TNP2: variants seen among roughly 807,000 people sequenced by gnomAD.
TNP2 encodes transition protein 2.
TNP2 carries 10 observed loss-of-function variants against 8.5 expected under a neutral mutation model. The observed-to-expected ratio is 1.17, with a 90% CI of 0.72 to 1.99. The LOEUF is 1.99. Among genes scored for constraint, TNP2 ranks in the 30% most tolerant of loss-of-function variants. TNP2 has a pLI of 0.00. For missense variants in TNP2, 222 were observed against 181.2 expected (o/e 1.23, Z -1.29); for synonymous variants, 80 against 62.3 (o/e 1.28, Z -1.34).
At position 11,269,020 on chromosome 16, in the gene TNP2, G is replaced by A. The variant is rs1219374058; in HGVS notation, c.243C>T (p.Arg81=). The change falls in exon 1 of 2, where the codon CGC becomes CGT. Residue 81 remains arginine (R), a synonymous_variant. Coordinates refer to ENST00000312693, the MANE Select transcript of TNP2 (RefSeq NM_005425.5). ...GGTGGGAGTTCATAGTCTTTTTGTGGCGCTTTGGTGGTGGACTAGTGTTGG... is the reference window on the plus strand; with the variant it reads ...GGTGGGAGTTCATAGTCTTTTTGTGACGCTTTGGTGGTGGACTAGTGTTGG... ...QSPNTSPPPK[R]HKKTMNSHHS... is the part of the protein sequence containing the mutation. The A allele has an allele frequency of 6.2e-7, 1 of 1,613,926 alleles. No homozygotes were observed. The highest frequency in any genetic ancestry group is 8.5e-7 in the Non-Finnish European group (1 of 1,179,880).
chr16:11,268,207 G>T, intron 1 of TNP2, 195 bp from the exon 2 acceptor site: 2 of 537,190 alleles, frequency 3.7e-6, no homozygotes, highest in East Asian at 3.1e-5. Flanking sequence ...CCTTCCATTT[G>T]TCATCCACCC....
At chr16:11,268,581 C>T (rs1421092239) in intron 1 of TNP2, 5 of 437,140 alleles carry the variant, frequency 1.1e-5, no homozygotes, top group Non-Finnish European at 2.0e-5. Context: ...TTTACCCACC[C>T]AGTCATCCAC....
chr16:11,268,967 T>A lies in TNP2; in HGVS notation c.296A>T (p.His99Leu). The A allele has an allele frequency of 6.2e-7, 1 of 1,613,996 alleles. No individual in the cohort carries two copies. Among genetic ancestry groups the A allele is most frequent in the Admixed American group, 1.7e-5 (1 of 60,022 alleles). Reference protein sequence around the residue: ...HHSPMRPTILHCRCPKNRKNL... With the variant: ...HHSPMRPTILLCRCPKNRKNL... ...CTTTCTGTTCTTGGGGCAGCGGCAGTGCAGGATGGTGGGCCGCATGGGAGA... is the reference window on the plus strand; with the variant it reads ...CTTTCTGTTCTTGGGGCAGCGGCAGAGCAGGATGGTGGGCCGCATGGGAGA... Residue 99 changes from histidine to leucine, a missense_variant, in exon 1 of 2, where the codon CAC becomes CTC. By Grantham distance (99) the His-to-Leu change is moderately conservative. Coordinates refer to ENST00000312693, the MANE Select transcript of TNP2 (RefSeq NM_005425.5).
Position 11,268,993 on chromosome 16 carries a change from G to A in TNP2, c.270C>T (p.His90=). 1.2e-6 allele frequency: 2 copies of A among 1,613,942 alleles called. No homozygotes were observed. Among genetic ancestry groups the A allele is most frequent in the Non-Finnish European group, 1.7e-6 (2 of 1,179,892 alleles). ...GCAGGATGGTGGGCCGCATGGGAGA[G>A]TGGTGGGAGTTCATAGTCTTTTTGT... The part of the protein sequence containing the change: ...KRHKKTMNSH[H]SPMRPTILHC... The change falls in exon 1 of 2, where the codon CAC becomes CAT. Residue 90 remains histidine (H), a synonymous_variant. Coordinates refer to ENST00000312693, the MANE Select transcript of TNP2 (RefSeq NM_005425.5).
Position 11,269,042 on chromosome 16 carries a change from T to C in TNP2, c.221A>G (p.Asn74Ser), listed in dbSNP as rs1330413727. The change falls in exon 1 of 2, where the codon AAC (asparagine) becomes AGC (serine). Residue 74 changes from asparagine (N) to serine (S), a missense_variant. Asn to Ser is a conservative substitution (Grantham distance 46). Coordinates refer to ENST00000312693, the MANE Select transcript of TNP2 (RefSeq NM_005425.5). The stretch of plus-strand genomic sequence containing the variant: ...GTGGCGCTTTGGTGGTGGACTAGTG[T>C]TGGGACTCTGGCTCTGGTGGCCGGA... ...SSSGHQSQSP[N>S]TSPPPKRHKK... 4 of 1,613,788 alleles carry C rather than the reference T, an allele frequency of 2.5e-6. No homozygotes were observed. Among genetic ancestry groups the C allele is most frequent in the African/African-American group, 1.3e-5 (1 of 74,892 alleles).
Position 11,268,926 on chromosome 16 carries a change from G to C in TNP2, c.337C>G (p.Leu113Val). The change falls in exon 1 of 2, where the codon CTG becomes GTG. Residue 113 changes from leucine to valine, a missense_variant. Transcript: ENST00000312693. ...CTCTTGGCCATTTTTTTCTTTTTCA[G>C]CTTGCCTTCCAAGTTCTTTCTGTTC... ...PKNRKNLEGK[L>V]KKKKMAKRIQ... 2 of 1,602,546 alleles carry C rather than the reference G, an allele frequency of 1.2e-6. No individual in the cohort carries two copies. Among genetic ancestry groups the C allele is most frequent in the Non-Finnish European group, 1.7e-6 (2 of 1,176,664 alleles).
chr16:11,268,446 C>G (rs1410456518), intron 1 of TNP2: 2 of 316,176 alleles, frequency 6.3e-6, no homozygotes, highest in East Asian at 1.0e-4. Context: ...TCTACCTAAC[C>G]AACCAAATAA....
Position 11,269,279 on chromosome 16 carries a change from A to AG in TNP2, c.-18dup. 1 of 1,590,090 alleles carries AG rather than the reference A, an allele frequency of 6.3e-7. No homozygotes were observed. The highest frequency in any genetic ancestry group is 8.5e-7 in the Non-Finnish European group (1 of 1,173,878). On this transcript the variant is annotated 5_prime_UTR_variant, in exon 1 of 2. Transcript: ENST00000312693. ...GGTGTCCATAGGAGGCCACGTTTGG[A>AG]GGGGCAGGGCCTCCTCCTCATCCTC... is the stretch of plus-strand genomic sequence containing the variant.
intron 1 of TNP2, chr16:11,268,330 A>G (rs953078852): frequency 6.7e-6 from 2 of 297,690 alleles, no homozygotes; most frequent in Non-Finnish European, 1.3e-5. Context: ...ATATTACTCT[A>G]TTAAGATAAT....
chr16:11,268,515 T>A (rs1454379397), intron 1 of TNP2: 1 of 389,934 alleles, frequency 2.6e-6, no homozygotes, highest in African/African-American at 2.1e-5. Context: ...TATCCAAACT[T>A]CCTATCATTC....
rs2141137035 is a variant in TNP2 at position 11,269,212 on chromosome 16, G to T, written c.51C>A (p.Ser17Arg). 2 of 1,608,348 alleles carry T rather than the reference G, an allele frequency of 1.2e-6. No homozygotes were observed. Among genetic ancestry groups the T allele is most frequent in the South Asian group, 1.1e-5 (1 of 91,076 alleles). Residue 17 changes from serine to arginine, a missense_variant, in exon 1 of 2, where the codon AGC (serine) becomes AGA (arginine). Transcript: ENST00000312693. ...SLPITHTQLHSNSQPQSRTCT... is the reference protein window; with the variant it reads ...SLPITHTQLHRNSQPQSRTCT... ...AGGTGCGGCTTTGGGGCTGAGAGTT[G>T]CTATGGAGCTGAGTGTGGGTGATAG...
chr16:11,268,723 G>T, intron 1 of TNP2, 140 bp downstream of exon 1: 2 of 886,658 alleles, frequency 2.3e-6, no homozygotes, highest in Non-Finnish European at 3.3e-6. Context: ...CTAGCCAACT[G>T]CCATTGTTTC....
intron 1 of TNP2, 151 bp from the exon 2 acceptor site, chr16:11,268,163 G>A (rs1454479308): frequency 2.0e-5 from 13 of 646,890 alleles, no homozygotes; most frequent in Non-Finnish European, 2.6e-6. Flanking sequence ...GTGTCCTTTT[G>A]ACCTATGTGA....
chr16:11,268,084 C>A lies in TNP2; in HGVS notation c.401-72G>T, dbSNP rs1225565334. 1.5e-5 allele frequency: 21 copies of A among 1,436,808 alleles called. No homozygotes were observed. In the Admixed American group the frequency reaches 1.8e-4, roughly 12 times the overall value. The allele number at this position is 1,436,808 out of a possible 1,614,324, so 89.0% of individuals were successfully genotyped here. On this transcript the variant is annotated intron_variant, in intron 1 of 1. Transcript: ENST00000312693. ...ATGAAGTCAGTGACCTCCTTGACCT[C>A]CTGTAAGGTCTTACAACTACTCATT...
chr16:11,269,301 C>T lies in TNP2; in HGVS notation c.-39G>A. ...TGGAGGGGCAGGGCCTCCTCCTCAT[C>T]CTCTCCCAGCAGGCCTAGCTTTACA... On this transcript the variant is annotated 5_prime_UTR_variant, in exon 1 of 2. Transcript: ENST00000312693. The T allele has an allele frequency of 1.9e-6, 3 of 1,568,184 alleles. No individual in the cohort carries two copies. Among genetic ancestry groups the T allele is most frequent in the Non-Finnish European group, 2.6e-6 (3 of 1,163,510 alleles).
chr16:11,268,870 C>G lies in TNP2; in HGVS notation c.393G>C (p.Arg131=). 1.3e-6 allele frequency: 2 copies of G among 1,577,710 alleles called. No homozygotes were observed. The highest frequency in any genetic ancestry group is 1.7e-6 in the Non-Finnish European group (2 of 1,162,964). The part of the protein sequence containing the change: ...RIQQVYKTKT[R]SSGWKSN ...CACCTCCTTAAAGGGTACCTGAGCT[C>G]CGCGTCTTGGTTTTGTACACCTGCT... The change falls in exon 1 of 2, where the codon CGG becomes CGC. Residue 131 remains arginine, a synonymous_variant. Coordinates refer to ENST00000312693, the MANE Select transcript of TNP2 (RefSeq NM_005425.5).
rs1426850142 is a variant in TNP2, at chr16:11,269,221, C to CAA, written c.41_42insTT (p.Gln14HisfsTer74). 1.9e-6 allele frequency: 3 copies of CAA among 1,606,744 alleles called. No homozygotes were observed. Among genetic ancestry groups the CAA allele is most frequent in the Non-Finnish European group, 2.5e-6 (3 of 1,179,826 alleles). On this transcript the variant is annotated frameshift_variant, in exon 1 of 2. Transcript: ENST00000312693. LOFTEE classifies it high-confidence loss of function. ...TTTGGGGCTGAGAGTTGCTATGGAG[C>CAA]TGAGTGTGGGTGATAGGAAGGCTGT...
chr16:11,268,932 C>G lies in TNP2; in HGVS notation c.331G>C (p.Gly111Arg), dbSNP rs1164560672. The G allele has an allele frequency of 6.2e-7, 1 of 1,608,334 alleles. No individual in the cohort carries two copies. Among genetic ancestry groups the G allele is most frequent in the African/African-American group, 1.3e-5 (1 of 74,262 alleles). Residue 111 changes from glycine to arginine, a missense_variant, in exon 1 of 2, where the codon GGC becomes CGC. Coordinates refer to ENST00000312693, the MANE Select transcript of TNP2 (RefSeq NM_005425.5). Reference protein sequence around the residue: ...RCPKNRKNLEGKLKKKKMAKR... With the variant: ...RCPKNRKNLERKLKKKKMAKR... ...GCCATTTTTTTCTTTTTCAGCTTGC[C>G]TTCCAAGTTCTTTCTGTTCTTGGGG...
intron 1 of TNP2, 174 bp from the exon 2 acceptor site, chr16:11,268,186 A>G (rs1384295270): frequency 3.9e-5 from 22 of 568,422 alleles, no homozygotes; most frequent in Non-Finnish European, 6.3e-6. Flanking sequence ...CCAGGTATCC[A>G]TCCATTTATC....
Sources: allele counts gnomAD v4.1 joint callset, GRCh38; gene constraint gnomAD v4.1.1; transcripts MANE v1.5; gene names NCBI Gene and HGNC (gene_info 2026-07-23, HGNC 2026-07-21).